Variants in PBX1 observed in about 807,000 individuals in gnomAD.
PBX1 encodes PBX homeobox 1.
PBX1 carries 6 observed loss-of-function variants against 53.4 expected under a neutral mutation model. The observed-to-expected ratio is 0.11, with a 90% confidence interval of 0.06 to 0.22. The LOEUF is 0.22. PBX1 is among the 10% of genes least tolerant of loss of function. The probability of loss-of-function intolerance (pLI) is 1.00; values close to 1 mark genes in which losing one functional copy is unlikely to be tolerated. For missense variants in PBX1, 251 were observed against 551.4 expected, an observed-to-expected ratio of 0.46 and a Z score of 5.46; for synonymous variants, 204 against 212.3, an observed-to-expected ratio of 0.96 and a Z score of 0.34.
intron 2 of PBX1, among the ~76,000 whole-genome samples, chr1:164,791,050 C>T (rs553998889): frequency 7.2e-5 from 11 of 152,266 alleles, no homozygotes; most frequent in Non-Finnish European, 1.2e-4. Context: ...CAACCAACAC[C>T]GGACCCCTCT....
chr1:164,824,597 A>G (rs1342064087), intron 8 of PBX1, among the ~76,000 whole-genome samples: 2 of 152,084 alleles, frequency 1.3e-5, no homozygotes, highest in Non-Finnish European at 2.9e-5. Flanking sequence ...CACATTTGTC[A>G]CTTTTTTTTC....
chr1:164,745,084 C>T (rs1020068919), intron 2 of PBX1, among the ~76,000 whole-genome samples: 3 of 152,116 alleles, frequency 2.0e-5, no homozygotes, highest in Non-Finnish European at 4.4e-5. Flanking sequence ...TGCTGAAGGC[C>T]ACATATCTAA....
rs191928804 is a variant in PBX1 at position 164,748,135 on chromosome 1, G to A, written c.266-44359G>A. 4.8e-3 allele frequency among the ~76,000 whole-genome samples: 727 copies of A among 152,276 alleles called. 2 individuals are homozygous for A. Among genetic ancestry groups the A allele is most frequent in the Middle Eastern group, 0.01 (3 of 294 alleles). The stretch of plus-strand genomic sequence containing the variant: ...TTATACAAGCAGACTAGCAGGATTT[G>A]AGATGCAAAGTGTTAAAACTAATAG... On this transcript the variant is annotated intron_variant, in intron 2 of 8. Transcript: ENST00000420696.
Position 164,846,766 on chromosome 1 carries a change from G to C in PBX1, c.*90G>C. 1 of 1,604,950 alleles carries C rather than the reference G, an allele frequency of 6.2e-7. No homozygotes were observed. The highest frequency in any genetic ancestry group is 8.5e-7 in the Non-Finnish European group (1 of 1,175,600). ...TTCTCTCCCAACGCTGAAGCGGTCA[G>C]ACTGGAGGTCGAAGCAATCAGCAAA... On this transcript the variant is annotated 3_prime_UTR_variant, in exon 9 of 9. Coordinates refer to ENST00000420696, the MANE Select transcript of PBX1 (RefSeq NM_002585.4).
intron 2 of PBX1, among the ~76,000 whole-genome samples, chr1:164,581,127 G>A (rs1654585356): frequency 6.6e-6 from 1 of 152,042 alleles, no homozygotes; most frequent in African/African-American, 2.4e-5. Context: ...GATTCTACGT[G>A]GTGCGGATGG....
chr1:164,820,056 ACT>A lies in PBX1; in HGVS notation c.998-13_998-12del. The A allele has an allele frequency of 6.5e-7, 1 of 1,534,394 alleles. No homozygotes were observed. Among genetic ancestry groups the A allele is most frequent in the Non-Finnish European group, 9.0e-7 (1 of 1,109,600 alleles). On this transcript the variant is annotated splice_polypyrimidine_tract_variant and intron_variant, in intron 6 of 8. Transcript: ENST00000420696. Reference sequence around the variant, plus strand: ...TTCCTTTCTGTGATTCAGGTGCCTCACTCTTTCCTTTCCAGGTTCTTCCAGTT... The same window carrying A: ...TTCCTTTCTGTGATTCAGGTGCCTCACTTTCCTTTCCAGGTTCTTCCAGTT...
intron 2 of PBX1, among the ~76,000 whole-genome samples, chr1:164,569,873 T>G (rs1299740632): frequency 6.6e-6 from 1 of 152,172 alleles, no homozygotes; most frequent in Non-Finnish European, 1.5e-5. Context: ...TCCCTTGCTA[T>G]TCTCTTAAAG....
At chr1:164,691,599 G>A (rs1446010267) in intron 2 of PBX1, among the ~76,000 whole-genome samples, 1 of 152,108 alleles carries the variant, frequency 6.6e-6, no homozygotes, top group South Asian at 2.1e-4. Flanking sequence ...TCTAGGCTAG[G>A]GGCTACCACA....
chr1:164,850,799 T>G lies in PBX1; in HGVS notation c.*4123T>G, dbSNP rs1671798168. The G allele has an allele frequency of 4.8e-6, 1 of 208,748 alleles. No homozygotes were observed. The highest frequency in any genetic ancestry group is 1.9e-4 in the South Asian group (1 of 5,322). The allele number at this position is 208,748 out of a possible 1,614,324, so 12.9% of individuals were successfully genotyped here. On this transcript the variant is annotated 3_prime_UTR_variant, in exon 9 of 9. Transcript: ENST00000420696. ...CTTTTAAAAATTCAAAAACGTTTAG[T>G]CCAAGGGAACTTTTTATGCTATCAG...
chr1:164,882,992 G>A (rs897592499), intron 2 of PBX1, among the ~76,000 whole-genome samples: 9 of 152,152 alleles, frequency 5.9e-5, no homozygotes, highest in Non-Finnish European at 1.3e-4. Context: ...AATTATAAAA[G>A]CTACCGAACT....
At chr1:164,615,636 G>C (rs1047832012) in intron 2 of PBX1, among the ~76,000 whole-genome samples, 2 of 152,156 alleles carry the variant, frequency 1.3e-5, no homozygotes, top group Non-Finnish European at 2.9e-5. Flanking sequence ...TTGGATCGAC[G>C]AGGTGGTGAT....
At chr1:164,770,433 A>G (rs561852816) in intron 2 of PBX1, 2 of 152,250 alleles carry the variant, frequency 1.3e-5, no homozygotes, top group East Asian at 3.9e-4. Flanking sequence ...TTGGGTGAAC[A>G]CTTCCTTCCC....
intron 2 of PBX1, among the ~76,000 whole-genome samples, chr1:164,601,180 G>T (rs1656142703): frequency 6.9e-6 from 1 of 144,212 alleles, no homozygotes; most frequent in Admixed American, 7.1e-5. Flanking sequence ...AGGTTGCAGT[G>T]AGCCGAGATT....
chr1:164,653,870 G>A (rs1243184201), intron 2 of PBX1, among the ~76,000 whole-genome samples: 1 of 152,112 alleles, frequency 6.6e-6, no homozygotes, highest in Non-Finnish European at 1.5e-5. Context: ...TTCTTTGCTT[G>A]GGGCTCATTG....
Position 164,574,724 on chromosome 1 carries a change from A to G in PBX1, c.265+11413A>G, listed in dbSNP as rs147539645. ...TTGCTGGGTGTGGTGGCTCACACCTATAATCCCAGCACTTTGGGAGGCCGA... is the reference window on the plus strand; with the variant it reads ...TTGCTGGGTGTGGTGGCTCACACCTGTAATCCCAGCACTTTGGGAGGCCGA... On this transcript the variant is annotated intron_variant, in intron 2 of 8. Transcript: ENST00000420696. Among the ~76,000 whole-genome samples, 1,278 of 152,200 alleles carry G rather than the reference A, an allele frequency of 8.4e-3. 22 individuals carry two copies. Among genetic ancestry groups the G allele is most frequent in the African/African-American group, 0.029 (1,216 of 41,526 alleles).
At chr1:164,605,414 A>G (rs1469522407) in intron 2 of PBX1, 1 of 152,176 alleles carries the variant, frequency 6.6e-6, no homozygotes, top group African/African-American at 2.4e-5. Flanking sequence ...TTTTAGGGAC[A>G]GCCTGGTGAG....
chr1:164,628,051 C>T (rs1658159125), intron 2 of PBX1, among the ~76,000 whole-genome samples: 1 of 152,194 alleles, frequency 6.6e-6, no homozygotes, highest in African/African-American at 2.4e-5. Context: ...ACATCTGTTC[C>T]TAGCACAGTG....
chr1:164,663,228 G>GCCTT (rs930150678), intron 2 of PBX1, among the ~76,000 whole-genome samples: 1 of 119,038 alleles, frequency 8.4e-6, no homozygotes, highest in East Asian at 2.6e-4. Context: ...CTGCCTTCCT[G>GCCTT]CCTTCCTTCC....
chr1:164,732,807 T>G (rs7518582), intron 2 of PBX1, among the ~76,000 whole-genome samples: 44,161 of 151,898 alleles, frequency 0.29, 6,822 homozygotes, highest in South Asian at 0.42. Flanking sequence ...CTACAGAAAT[T>G]ACAGAAACCT....
Sources: allele counts gnomAD v4.1 joint callset (sites outside exome capture counted in the v4.1 genomes callset), GRCh38; gene constraint gnomAD v4.1.1; transcripts MANE v1.5; gene names NCBI Gene and HGNC (gene_info 2026-07-23, HGNC 2026-07-21).